COPS4: variants seen among roughly 807,000 people sequenced by gnomAD.
The protein encoded by COPS4 is COP9 signalosome subunit 4, also known as COP9 signalosome complex subunit 4.
COPS4 carries 8 observed loss-of-function variants against 55.1 expected under a neutral mutation model. The ratio of observed to expected loss-of-function variants is 0.15; its 90% CI spans 0.09 to 0.26. The LOEUF (loss-of-function observed/expected upper bound fraction) is 0.26. Among genes scored for constraint, COPS4 ranks in the 10% least tolerant of loss-of-function variants. COPS4 has a pLI of 1.00. For missense variants in COPS4, 248 were observed against 484.0 expected (o/e 0.51, Z 4.58); for synonymous variants, 185 against 165.7 (o/e 1.12, Z -0.90).
intron 3 of COPS4, 33 bp from the exon 4 acceptor site, chr4:83,049,848 G>T: frequency 8.1e-7 from 1 of 1,241,892 alleles, no homozygotes; most frequent in Non-Finnish European, 1.1e-6. Flanking sequence ...AATGTCAGTT[G>T]AAATAATTTG....
At chr4:83,065,414 G>A (rs571488135) in intron 7 of COPS4, among the ~76,000 whole-genome samples, 1 of 152,286 alleles carries the variant, frequency 6.6e-6, no homozygotes, top group East Asian at 1.9e-4. Flanking sequence ...AGGTAGACTG[G>A]GAGATAGGAG....
intron 6 of COPS4, among the ~76,000 whole-genome samples, chr4:83,059,416 A>G (rs1229364659): frequency 2.0e-5 from 3 of 151,502 alleles, no homozygotes; most frequent in Non-Finnish European, 2.9e-5. Context: ...ACCCCTTTAC[A>G]CTCTGAAAAA....
At chr4:83,053,570 G>T (rs2126130569) in intron 4 of COPS4, among the ~76,000 whole-genome samples, 1 of 152,234 alleles carries the variant, frequency 6.6e-6, no homozygotes, top group East Asian at 1.9e-4. Context: ...GCAGGGCGTG[G>T]TAGCTCACGC....
intron 1 of COPS4, among the ~76,000 whole-genome samples, chr4:83,041,068 G>GTT (rs943826847): frequency 5.3e-5 from 7 of 132,998 alleles, no homozygotes; most frequent in African/African-American, 5.5e-5. Context: ...TTTGTTTTTT[G>GTT]TTTTTTTTTT....
chr4:83,072,896 G>C (rs899099647), intron 9 of COPS4, among the ~76,000 whole-genome samples: 2 of 151,994 alleles, frequency 1.3e-5, no homozygotes, highest in African/African-American at 2.4e-5. Context: ...ATTCACATGG[G>C]CTGGGCACAG....
chr4:83,069,698 A>AT (rs1359393709), intron 9 of COPS4, among the ~76,000 whole-genome samples: 2 of 151,928 alleles, frequency 1.3e-5, no homozygotes, highest in South Asian at 4.2e-4. Context: ...TTTTTTAGTT[A>AT]TTTTTTTCTC....
rs529707628 is a variant in COPS4, at chr4:83,066,350, C to T, written c.887-88C>T. 203 of 610,342 alleles carry T rather than the reference C, an allele frequency of 3.3e-4. 3 individuals are homozygous for T. In the South Asian group the frequency reaches 4.6e-3, roughly 14 times the overall value. 37.8% of individuals were successfully genotyped at this position (610,342 alleles called of 1,614,324 possible). A position where few individuals can be genotyped will look rare whatever the true frequency, so the allele number is the denominator to read the frequency against. On this transcript the variant is annotated intron_variant, in intron 7 of 9. Transcript: ENST00000264389. ...AGGAGTTAAAGAGGATGAGTTATTA[C>T]GTGCCTAGACATTTTCAGAAAAAAT...
At chr4:83,042,541 G>T (rs1176819663) in intron 1 of COPS4, among the ~76,000 whole-genome samples, 12 of 150,162 alleles carry the variant, frequency 8.0e-5, no homozygotes, top group Admixed American at 7.3e-4. Flanking sequence ...TTGAGACAAG[G>T]TCTTGCTCTG....
At chr4:83,063,778 C>T (rs761170762) in intron 7 of COPS4, among the ~76,000 whole-genome samples, 2 of 149,378 alleles carry the variant, frequency 1.3e-5, no homozygotes, top group Non-Finnish European at 1.5e-5. Context: ...GGTGCGATCT[C>T]GGTTCACCAC....
chr4:83,051,650 G>T (rs1319271306), intron 4 of COPS4, among the ~76,000 whole-genome samples: 4 of 152,186 alleles, frequency 2.6e-5, no homozygotes, highest in Admixed American at 2.6e-4. Context: ...TTGGACATAT[G>T]ATATCCAAGT....
At chr4:83,064,797 G>T (rs975034653) in intron 7 of COPS4, among the ~76,000 whole-genome samples, 1 of 138,332 alleles carries the variant, frequency 7.2e-6, no homozygotes, top group African/African-American at 2.7e-5. Flanking sequence ...TGGCCTCAAA[G>T]AATCTTCCCA....
chr4:83,052,410 C>T (rs923577624), intron 4 of COPS4, among the ~76,000 whole-genome samples: 4 of 152,038 alleles, frequency 2.6e-5, no homozygotes, highest in East Asian at 1.9e-4. Context: ...GCACTACTGG[C>T]GTTTTCGGCT....
At chr4:83,061,108 T>G (rs1313514345) in intron 6 of COPS4, among the ~76,000 whole-genome samples, 1 of 152,204 alleles carries the variant, frequency 6.6e-6, no homozygotes, top group Non-Finnish European at 1.5e-5. Context: ...AAAATGGTGA[T>G]TTGCTCATTC....
chr4:83,057,896 A>G (rs1351996181), intron 6 of COPS4, among the ~76,000 whole-genome samples: 1 of 146,568 alleles, frequency 6.8e-6, no homozygotes, highest in Non-Finnish European at 1.5e-5. Flanking sequence ...CACTCCAGCC[A>G]GGGCGACAGA....
At chr4:83,035,555 C>G (rs1316996420) in intron 1 of COPS4, 2 of 321,392 alleles carry the variant, frequency 6.2e-6, no homozygotes, top group Non-Finnish European at 1.2e-5. Flanking sequence ...TCTTTCTGGT[C>G]CCTTAGGATT....
chr4:83,063,005 AG>A, intron 6 of COPS4, 70 bp from the exon 7 acceptor site: 1 of 1,311,808 alleles, frequency 7.6e-7, no homozygotes, highest in South Asian at 1.5e-5. Flanking sequence ...GTCATAAGAT[AG>A]GTTTTTTTTT....
chr4:83,036,315 C>T (rs1730417975), intron 1 of COPS4, among the ~76,000 whole-genome samples: 1 of 151,716 alleles, frequency 6.6e-6, no homozygotes. Context: ...AAGTATGCCT[C>T]TCAAGTTGAT....
intron 1 of COPS4, among the ~76,000 whole-genome samples, chr4:83,041,008 T>C (rs373950857): frequency 9.5e-4 from 144 of 151,924 alleles, no homozygotes; most frequent in African/African-American, 3.3e-3. Context: ...ATAGGAGAGA[T>C]GTATGATGCC....
intron 4 of COPS4, among the ~76,000 whole-genome samples, chr4:83,052,121 G>A (rs1462582136): frequency 6.6e-6 from 1 of 152,218 alleles, no homozygotes; most frequent in Non-Finnish European, 1.5e-5. Context: ...TGGTTTAAGA[G>A]AGAATGGGAA....
Sources: gnomAD v4.1 joint callset for allele counts (sites outside exome capture counted in the v4.1 genomes callset) on GRCh38, gnomAD v4.1.1 for gene constraint, MANE v1.5 for transcripts, NCBI Gene and HGNC (gene_info 2026-07-23, HGNC 2026-07-21) for gene names.